Variants in PLCB4 observed in about 807,000 individuals in gnomAD.
PLCB4 encodes 1-phosphatidylinositol 4,5-bisphosphate phosphodiesterase beta-4.
Under a neutral mutation model 178.8 loss-of-function variants are expected in PLCB4, and 77 were observed. The observed-to-expected ratio is 0.43, with a 90% CI of 0.36 to 0.52. PLCB4 has a LOEUF of 0.52. PLCB4 is among the 20% of genes least tolerant of loss of function. The probability of loss-of-function intolerance (pLI) is 0.00; values close to 1 mark genes in which losing one functional copy is unlikely to be tolerated. For synonymous variants in PLCB4, 496 were observed against 490.8 expected (o/e 1.01, Z -0.14); for missense variants, 1,024 against 1,453.4 (o/e 0.70, Z 4.80).
chr20:9,100,522 G>T (rs2091103642), intron 2 of PLCB4, among the ~76,000 whole-genome samples: 1 of 152,112 alleles, frequency 6.6e-6, no homozygotes, highest in Non-Finnish European at 1.5e-5. Context: ...ACACAAGGAA[G>T]ATATGCTGAC....
chr20:9,239,829 C>T (rs1442109126), intron 3 of PLCB4, among the ~76,000 whole-genome samples: 2 of 152,246 alleles, frequency 1.3e-5, no homozygotes, highest in East Asian at 1.9e-4. Context: ...CCTCAGAGCC[C>T]CCGGCAAACC....
rs878866607 is a variant in PLCB4, at chr20:9,380,174, GA to G, written c.853+18del. The G allele has an allele frequency of 4.9e-6, 6 of 1,229,998 alleles. No homozygotes were observed. Among genetic ancestry groups the G allele is most frequent in the East Asian group, 2.5e-5 (1 of 40,642 alleles). The allele number at this position is 1,229,998 out of a possible 1,614,324, so 76.2% of individuals were successfully genotyped here. A position where few individuals can be genotyped will look rare whatever the true frequency, so the allele number is the denominator to read the frequency against. On this transcript the variant is annotated intron_variant, in intron 13 of 39. Coordinates refer to ENST00000378473, the MANE Select transcript of PLCB4 (RefSeq NM_001377142.1). Reference sequence around the variant, plus strand: ...TTTGAAGAAAAAAGGTAATAAACATGAAAAAAGGACTTAAAAAAAAAAACAA... The same window carrying G: ...TTTGAAGAAAAAAGGTAATAAACATGAAAAAGGACTTAAAAAAAAAAACAA...
intron 1 of PLCB4, among the ~76,000 whole-genome samples, chr20:9,091,044 C>T (rs780237079): frequency 6.6e-6 from 1 of 152,010 alleles, no homozygotes; most frequent in Non-Finnish European, 1.5e-5. Context: ...ATTTGTAAGC[C>T]TCCCCAGAGA....
At chr20:9,468,295 AAAAAG>A (rs1159972142) in intron 35 of PLCB4, among the ~76,000 whole-genome samples, 2 of 152,132 alleles carry the variant, frequency 1.3e-5, no homozygotes, top group Non-Finnish European at 2.9e-5. Context: ...AGAAAGAAAA[AAAAAG>A]AAGAGTGAGA....
chr20:9,365,041 G>A (rs2035655847), intron 8 of PLCB4, among the ~76,000 whole-genome samples: 1 of 152,152 alleles, frequency 6.6e-6, no homozygotes, highest in African/African-American at 2.4e-5. Flanking sequence ...TATTATTACA[G>A]AGCAATAATC....
chr20:9,188,319 G>A (rs923096728), intron 2 of PLCB4, among the ~76,000 whole-genome samples: 2 of 152,220 alleles, frequency 1.3e-5, no homozygotes, highest in Admixed American at 6.5e-5. Context: ...CATTATAGGC[G>A]GATGGAACAA....
intron 2 of PLCB4, among the ~76,000 whole-genome samples, chr20:9,168,367 T>A (rs562796816): frequency 6.6e-6 from 1 of 152,300 alleles, no homozygotes; most frequent in East Asian, 1.9e-4. Flanking sequence ...CCTGCACCTG[T>A]TTACCTGCAC....
At chr20:9,229,297 G>C (rs1161283030) in intron 3 of PLCB4, among the ~76,000 whole-genome samples, 1 of 152,130 alleles carries the variant, frequency 6.6e-6, no homozygotes, top group Non-Finnish European at 1.5e-5. Flanking sequence ...ACAGAATGAA[G>C]CTGCTTTCAG....
At chr20:9,329,116 T>G (rs764449358) in intron 4 of PLCB4, among the ~76,000 whole-genome samples, 14 of 152,164 alleles carry the variant, frequency 9.2e-5, no homozygotes, top group Non-Finnish European at 1.6e-4. Context: ...GTACACGTGG[T>G]GACAAAGAAA....
chr20:9,393,593 A>G lies in PLCB4; in HGVS notation c.1329A>G (p.Glu443=), dbSNP rs745434245. 1.2e-6 allele frequency: 2 copies of G among 1,605,492 alleles called. No homozygotes were observed. Among genetic ancestry groups the G allele is most frequent in the Admixed American group, 3.3e-5 (2 of 59,958 alleles). ...CTCTTTCTGTTTCTCTCTAGCTTGA[A>G]CCAGGCAGGGCTTTGCCATCCCCCA... ...LKQALESHPL[E]PGRALPSPND... The change falls in exon 18 of 40, where the codon GAA becomes GAG. Residue 443 remains glutamate, a synonymous_variant. Transcript: ENST00000378473.
intron 2 of PLCB4, among the ~76,000 whole-genome samples, chr20:9,107,715 A>G (rs2091419117): frequency 6.6e-6 from 1 of 152,052 alleles, no homozygotes; most frequent in Non-Finnish European, 1.5e-5. Context: ...TGTAAATGGA[A>G]TAGGGAGCCT....
intron 3 of PLCB4, among the ~76,000 whole-genome samples, chr20:9,250,419 G>T (rs2094168024): frequency 6.6e-6 from 1 of 152,190 alleles, no homozygotes; most frequent in Non-Finnish European, 1.5e-5. Flanking sequence ...GACAGTGAAT[G>T]AATTCCCCTA....
chr20:9,137,083 T>G (rs1270309835), intron 2 of PLCB4, among the ~76,000 whole-genome samples: 1 of 152,110 alleles, frequency 6.6e-6, no homozygotes, highest in African/African-American at 2.4e-5. Context: ...GGAAGATCTC[T>G]TCTGTCGTTC....
chr20:9,105,717 A>G (rs1345525439), intron 2 of PLCB4, among the ~76,000 whole-genome samples: 1 of 152,074 alleles, frequency 6.6e-6, no homozygotes, highest in African/African-American at 2.4e-5. Flanking sequence ...AAAAAGATTA[A>G]TTACTCAATA....
chr20:9,303,421 G>A (rs527608725), intron 3 of PLCB4, among the ~76,000 whole-genome samples: 2 of 152,242 alleles, frequency 1.3e-5, no homozygotes, highest in East Asian at 3.9e-4. Context: ...CCACATGTAA[G>A]TGAGCACATG....
At chr20:9,290,409 T>C (rs1193829471) in intron 3 of PLCB4, among the ~76,000 whole-genome samples, 1 of 152,148 alleles carries the variant, frequency 6.6e-6, no homozygotes, top group Non-Finnish European at 1.5e-5. Context: ...TTGGAATCGC[T>C]TCACATCCAA....
At chr20:9,461,668 C>T (rs2043403449) in intron 35 of PLCB4, among the ~76,000 whole-genome samples, 1 of 152,176 alleles carries the variant, frequency 6.6e-6, no homozygotes, top group South Asian at 2.1e-4. Flanking sequence ...GTGCAGCAGT[C>T]AGATCGAACC....
intron 1 of PLCB4, among the ~76,000 whole-genome samples, chr20:9,094,416 C>CT (rs1024374170): frequency 2.0e-5 from 3 of 150,800 alleles, no homozygotes; most frequent in South Asian, 2.1e-4. Flanking sequence ...TAAAGTATTT[C>CT]TTTTTTTTTG....
intron 19 of PLCB4, among the ~76,000 whole-genome samples, chr20:9,397,801 C>T (rs530197661): frequency 6.6e-5 from 10 of 152,344 alleles, no homozygotes; most frequent in African/African-American, 2.4e-4. Flanking sequence ...TCATCTGTTA[C>T]TATGCAATAA....
Sources: allele counts gnomAD v4.1 joint callset (sites outside exome capture counted in the v4.1 genomes callset), GRCh38; gene constraint gnomAD v4.1.1; transcripts MANE v1.5; gene names NCBI Gene and HGNC (gene_info 2026-07-23, HGNC 2026-07-21).